Variants in ADCY2 observed in about 807,000 individuals in gnomAD.
ADCY2 encodes adenylate cyclase 2, also known as adenylate cyclase type 2.
A neutral mutation model predicts 125.2 loss-of-function variants in ADCY2; 31 were observed. That is an observed-to-expected ratio of 0.25 (90% confidence interval 0.19 to 0.33). The LOEUF (loss-of-function observed/expected upper bound fraction) is 0.33, where lower values mean the gene tolerates loss of function less well. Ranked by LOEUF, ADCY2 falls within the 10% of genes least tolerant of loss-of-function variation. ADCY2 has a pLI of 1.00. For synonymous variants in ADCY2, 512 were observed against 548.4 expected (o/e 0.93, Z 0.93); for missense variants, 904 against 1,418.2 (o/e 0.64, Z 5.82).
chr5:7,424,082 A>G (rs944330085), intron 2 of ADCY2, among the ~76,000 whole-genome samples: 1 of 152,112 alleles, frequency 6.6e-6, no homozygotes, highest in Non-Finnish European at 1.5e-5. Flanking sequence ...AAAAATAAAT[A>G]CTCTGTGGTC....
At chr5:7,441,389 A>G (rs539075214) in intron 2 of ADCY2, among the ~76,000 whole-genome samples, 25 of 152,254 alleles carry the variant, frequency 1.6e-4, no homozygotes, top group Admixed American at 7.2e-4. Context: ...ACTGCATGTC[A>G]TATTGATGAA....
At chr5:7,754,127 A>G (rs1280826763) in intron 15 of ADCY2, among the ~76,000 whole-genome samples, 1 of 152,040 alleles carries the variant, frequency 6.6e-6, no homozygotes, top group Non-Finnish European at 1.5e-5. Context: ...CCGATTCGTC[A>G]TTTTGCCTGG....
At chr5:7,515,170 A>C (rs1744209723) in intron 2 of ADCY2, among the ~76,000 whole-genome samples, 1 of 152,184 alleles carries the variant, frequency 6.6e-6, no homozygotes, top group African/African-American at 2.4e-5. Context: ...TCAGAATCTC[A>C]TTAGCACAAG....
At chr5:7,509,217 A>T (rs1743963738) in intron 2 of ADCY2, among the ~76,000 whole-genome samples, 1 of 152,216 alleles carries the variant, frequency 6.6e-6, no homozygotes, top group South Asian at 2.1e-4. Context: ...TAGAGTTAAA[A>T]CCAGTACTGG....
At chr5:7,735,231 G>GT (rs1742213438) in intron 14 of ADCY2, among the ~76,000 whole-genome samples, 2 of 152,082 alleles carry the variant, frequency 1.3e-5, no homozygotes, top group South Asian at 4.1e-4. Context: ...TGAATCTCAG[G>GT]TTGTCACATA....
At chr5:7,507,830 G>T (rs1482919649) in intron 2 of ADCY2, among the ~76,000 whole-genome samples, 1 of 152,050 alleles carries the variant, frequency 6.6e-6, no homozygotes, top group Admixed American at 6.6e-5. Context: ...TATGAATAAT[G>T]TTCGACTTCA....
chr5:7,531,758 T>G (rs1466253988), intron 3 of ADCY2, among the ~76,000 whole-genome samples: 1 of 152,220 alleles, frequency 6.6e-6, no homozygotes, highest in Non-Finnish European at 1.5e-5. Flanking sequence ...TAGGGGCCAC[T>G]CTAAATCCAA....
chr5:7,784,742 A>G (rs545188738), intron 19 of ADCY2, among the ~76,000 whole-genome samples: 1 of 152,050 alleles, frequency 6.6e-6, no homozygotes, highest in African/African-American at 2.4e-5. Context: ...GTAAGCCTAC[A>G]AAAGTGTTCC....
chr5:7,544,182 G>A (rs1449271390), intron 3 of ADCY2, among the ~76,000 whole-genome samples: 3 of 152,136 alleles, frequency 2.0e-5, no homozygotes, highest in South Asian at 2.1e-4. Flanking sequence ...AAAGAAACAG[G>A]CAGATCCTGC....
chr5:7,728,609 G>A (rs1197456809), intron 14 of ADCY2, among the ~76,000 whole-genome samples: 5 of 152,178 alleles, frequency 3.3e-5, no homozygotes, highest in Non-Finnish European at 5.9e-5. Flanking sequence ...GAGAGAAACA[G>A]CCATCCCAGT....
intron 3 of ADCY2, among the ~76,000 whole-genome samples, chr5:7,573,600 T>C (rs936677537): frequency 4.3e-4 from 62 of 144,414 alleles, no homozygotes; most frequent in African/African-American, 1.5e-3. Context: ...TTTCTTTTTT[T>C]TTTTTTTTTT....
At chr5:7,512,117 A>G (rs1744083678) in intron 2 of ADCY2, among the ~76,000 whole-genome samples, 1 of 150,300 alleles carries the variant, frequency 6.7e-6, no homozygotes, top group Non-Finnish European at 1.5e-5. Flanking sequence ...GCTATTTGGG[A>G]AGCTGAGGCA....
At chr5:7,608,537 C>T (rs903518578) in intron 3 of ADCY2, among the ~76,000 whole-genome samples, 1 of 152,098 alleles carries the variant, frequency 6.6e-6, no homozygotes, top group Admixed American at 6.5e-5. Context: ...GATCACACCA[C>T]TCCCCTCCAG....
At chr5:7,413,262 G>T (rs1739794317) in intron 1 of ADCY2, among the ~76,000 whole-genome samples, 1 of 152,094 alleles carries the variant, frequency 6.6e-6, no homozygotes, top group Non-Finnish European at 1.5e-5. Flanking sequence ...CCCTTTGTAA[G>T]TCCCATATAT....
intron 4 of ADCY2, among the ~76,000 whole-genome samples, chr5:7,689,820 T>C (rs1297728972): frequency 1.3e-5 from 2 of 152,216 alleles, no homozygotes; most frequent in Non-Finnish European, 2.9e-5. Flanking sequence ...TATCAGTTGC[T>C]AAACTCTACA....
intron 23 of ADCY2, among the ~76,000 whole-genome samples, chr5:7,817,316 GC>G (rs1579473256): frequency 6.6e-6 from 1 of 152,034 alleles, no homozygotes; most frequent in East Asian, 1.9e-4. Context: ...ACTGGGACCT[GC>G]CACTAACTAT....
intron 2 of ADCY2, among the ~76,000 whole-genome samples, chr5:7,416,129 A>C (rs1225563502): frequency 6.6e-6 from 1 of 152,178 alleles, no homozygotes; most frequent in Non-Finnish European, 1.5e-5. Context: ...GGTGTGCCTC[A>C]GTTGGAAAGA....
chr5:7,572,583 C>A (rs1283581842), intron 3 of ADCY2, among the ~76,000 whole-genome samples: 1 of 152,070 alleles, frequency 6.6e-6, no homozygotes, highest in African/African-American at 2.4e-5. Context: ...AATTTTCTCC[C>A]ATTCTGTAGG....
intron 12 of ADCY2, among the ~76,000 whole-genome samples, chr5:7,720,853 A>G (rs1741734919): frequency 6.6e-6 from 1 of 152,204 alleles, no homozygotes; most frequent in Non-Finnish European, 1.5e-5. Context: ...GCCGCAATAA[A>G]CATACATGTG....
Sources: allele counts gnomAD v4.1 joint callset (sites outside exome capture counted in the v4.1 genomes callset), GRCh38; gene constraint gnomAD v4.1.1; transcripts MANE v1.5; gene names NCBI Gene and HGNC (gene_info 2026-07-23, HGNC 2026-07-21).